The following MGST1 variants were observed in gnomAD, a reference collection of about 807,000 sequenced individuals.
MGST1 encodes glutathione S-transferase 12.
A neutral mutation model predicts 8.9 loss-of-function variants in MGST1; 5 were observed. That is an observed-to-expected ratio of 0.56 (90% CI 0.29 to 1.19). The LOEUF (loss-of-function observed/expected upper bound fraction) is 1.19, where lower values mean the gene tolerates loss of function less well. Among genes scored for constraint, MGST1 ranks in the 50% most tolerant of loss-of-function variants. The pLI, the probability that MGST1 is intolerant of heterozygous loss-of-function variation, is 0.08. For synonymous variants in MGST1, 54 were observed against 67.8 expected (o/e 0.80, Z 1.00); for missense variants, 182 against 187.4 (o/e 0.97, Z 0.17).
intron 4 of MGST1, among the ~76,000 whole-genome samples, chr12:16,545,642 A>C (rs1191664410): frequency 6.6e-6 from 1 of 152,044 alleles, no homozygotes. Flanking sequence ...CCTCACGTCG[A>C]TGCTGACCAC....
chr12:16,426,274 C>T (rs1042458537), intron 1 of MGST1, among the ~76,000 whole-genome samples: 1 of 152,166 alleles, frequency 6.6e-6, no homozygotes, highest in African/African-American at 2.4e-5. Flanking sequence ...ACTATACTTC[C>T]CTGCATCTGT....
downstream of MGST1, among the ~76,000 whole-genome samples, chr12:16,369,107 T>C (rs183878383): frequency 3.5e-3 from 540 of 152,194 alleles, 2 homozygotes; most frequent in African/African-American, 0.012. The surrounding 1 kb of genome is among the most constrained non-coding windows in gnomAD (Gnocchi z 4.8). Context: ...AAGAGAATAG[T>C]GAAGGACTGA....
Position 16,364,095 on chromosome 12 carries a change from A to G in MGST1, c.*54A>G. On this transcript the variant is annotated 3_prime_UTR_variant, in exon 4 of 4. Coordinates refer to ENST00000396210, the MANE Select transcript of MGST1 (RefSeq NM_020300.5). This position sits in a 1 kb window ranked among gnomAD's most constrained non-coding sequence, Gnocchi z 5.7. ...GGCTTTTTAAGAATTCTGTACTTCC[A>G]ATTTATAATGAATACTTTCTTAGAT... 3.3e-6 allele frequency: 5 copies of G among 1,526,784 alleles called. No homozygotes were observed. The South Asian group carries it at 6.6e-5, about 20-fold the overall frequency. The allele number at this position is 1,526,784 out of a possible 1,614,324, so 94.6% of individuals were successfully genotyped here. A position where few individuals can be genotyped will look rare whatever the true frequency, so the allele number is the denominator to read the frequency against.
At chr12:16,456,010 A>G (rs1183085032) in intron 4 of MGST1, among the ~76,000 whole-genome samples, 1 of 151,892 alleles carries the variant, frequency 6.6e-6, no homozygotes, top group Non-Finnish European at 1.5e-5. Flanking sequence ...ATGCTAAAAT[A>G]TATATGCAAT....
At chr12:16,543,220 C>G (rs1478852531) in intron 4 of MGST1, among the ~76,000 whole-genome samples, 1 of 152,078 alleles carries the variant, frequency 6.6e-6, no homozygotes, top group Non-Finnish European at 1.5e-5. Context: ...CTGAGTTCAT[C>G]TTGCTAAATA....
At chr12:16,545,456 A>T (rs184158215) in intron 4 of MGST1, among the ~76,000 whole-genome samples, 4 of 151,924 alleles carry the variant, frequency 2.6e-5, no homozygotes, top group Non-Finnish European at 5.9e-5. Context: ...AATTTTTTTC[A>T]TCTCATCTTC....
Position 16,548,268 on chromosome 12 carries a change from G to C in MGST1, n.483-41260G>C, listed in dbSNP as rs1327343410. 3.9e-5 allele frequency: 6 copies of C among 152,044 alleles called. No homozygotes were observed. Among genetic ancestry groups the C allele is most frequent in the Non-Finnish European group, 7.4e-5 (5 of 67,990 alleles). The allele number at this position is 152,044 out of a possible 1,614,324, so 9.4% of individuals were successfully genotyped here. On this transcript the variant is annotated intron_variant and non_coding_transcript_variant, in intron 4 of 4. Coordinates refer to the MGST1 transcript ENST00000538857. The surrounding 1 kb of genome is among the most constrained non-coding windows in gnomAD (Gnocchi z 4.2). Reference sequence around the variant, plus strand: ...CTTTGTCTATGCTTGTTATGACTTAGCTTTAGAAAGTAAATGTCCTTACAC... The same window carrying C: ...CTTTGTCTATGCTTGTTATGACTTACCTTTAGAAAGTAAATGTCCTTACAC...
At chr12:16,430,521 A>G (rs1940928756) in intron 1 of MGST1, among the ~76,000 whole-genome samples, 1 of 152,214 alleles carries the variant, frequency 6.6e-6, no homozygotes, top group Non-Finnish European at 1.5e-5. Flanking sequence ...ATATTGTGTT[A>G]GCAGGCATGA....
At chr12:16,394,518 CTTTCTTT>C (rs1940585180) in intron 1 of MGST1, among the ~76,000 whole-genome samples, 1 of 77,678 alleles carries the variant, frequency 1.3e-5, no homozygotes, top group African/African-American at 5.1e-5. Flanking sequence ...CTCTCCCTTT[CTTTCTTT>C]CTTTCTTTCT....
At chr12:16,438,685 T>C (rs1046812791) in exon 2 of MGST1, 2 of 151,938 alleles carry the variant, frequency 1.3e-5, no homozygotes, top group Admixed American at 1.3e-4. Flanking sequence ...TTCTTTATGT[T>C]GATTTCTTCC....
chr12:16,411,879 G>C (rs1018640555), intron 1 of MGST1, among the ~76,000 whole-genome samples: 8 of 152,006 alleles, frequency 5.3e-5, no homozygotes, highest in Non-Finnish European at 1.2e-4. Flanking sequence ...TCAGTTCTAT[G>C]GTCATTACAG....
chr12:16,489,195 T>G (rs1941420928), intron 4 of MGST1, among the ~76,000 whole-genome samples: 1 of 152,186 alleles, frequency 6.6e-6, no homozygotes, highest in Non-Finnish European at 1.5e-5. Context: ...TAATGAATGA[T>G]GAGGAAACAA....
chr12:16,382,215 T>C (rs1940463309), upstream of MGST1, among the ~76,000 whole-genome samples: 1 of 152,234 alleles, frequency 6.6e-6, no homozygotes, highest in Non-Finnish European at 1.5e-5. Flanking sequence ...AGAGGCGCTC[T>C]GATTTTTAGA....
chr12:16,556,057 T>C (rs1942177623), intron 4 of MGST1, among the ~76,000 whole-genome samples: 1 of 152,148 alleles, frequency 6.6e-6, no homozygotes, highest in Non-Finnish European at 1.5e-5. Context: ...ATAAACCAGA[T>C]TTTATCCACC....
Position 16,363,768 on chromosome 12 carries a change from G to A in MGST1, c.222-27G>A, listed in dbSNP as rs375728178. 2.6e-5 allele frequency: 39 copies of A among 1,528,122 alleles called. No individual in the cohort carries two copies. Among genetic ancestry groups the A allele is most frequent in the Non-Finnish European group, 3.5e-5 (39 of 1,126,560 alleles). The allele number at this position is 1,528,122 out of a possible 1,614,324, so 94.7% of individuals were successfully genotyped here. On this transcript the variant is annotated intron_variant, in intron 3 of 3. Transcript: ENST00000396210. The surrounding 1 kb of genome is among the most constrained non-coding windows in gnomAD (Gnocchi z 4.6). ...ACATATCTAGTATTTTGAAATTAGTGTCTTTAATAGTTATCTTTTTCCACA... is the reference window on the plus strand; with the variant it reads ...ACATATCTAGTATTTTGAAATTAGTATCTTTAATAGTTATCTTTTTCCACA...
intron 1 of MGST1, among the ~76,000 whole-genome samples, chr12:16,386,537 C>T (rs559249891): frequency 6.6e-6 from 1 of 152,160 alleles, no homozygotes; most frequent in South Asian, 2.1e-4. Flanking sequence ...AATACTGAGA[C>T]CGAAGCTTCT....
chr12:16,458,108 G>T lies in MGST1; in HGVS notation n.482+74504G>T, dbSNP rs1941190610. Among the ~76,000 whole-genome samples the T allele has an allele frequency of 6.6e-6, 1 of 151,904 alleles. No homozygotes were observed. Among genetic ancestry groups the T allele is most frequent in the African/African-American group, 2.4e-5 (1 of 41,362 alleles). Reference sequence around the variant, plus strand: ...TTATTCATACAGAATACCCATTAAAGAAGTGCAAAAGCGTGAACCCGAGGG... The same window carrying T: ...TTATTCATACAGAATACCCATTAAATAAGTGCAAAAGCGTGAACCCGAGGG... On this transcript the variant is annotated intron_variant and non_coding_transcript_variant, in intron 4 of 4. Coordinates refer to the MGST1 transcript ENST00000538857. The surrounding 1 kb of genome is among the most constrained non-coding windows in gnomAD (Gnocchi z 4.0).
chr12:16,458,705 TATC>T lies in MGST1; in HGVS notation n.482+75107_482+75109del, dbSNP rs1244269031. Among the ~76,000 whole-genome samples, 6 of 152,080 alleles carry T rather than the reference TATC, an allele frequency of 3.9e-5. No individual in the cohort carries two copies. Among genetic ancestry groups the T allele is most frequent in the Admixed American group, 1.3e-4 (2 of 15,244 alleles). ...TTTATATGAGAGTTATTGTGACTCA[TATC>T]ATCATTTTACTGTAAACAGAGGTTT... On this transcript the variant is annotated intron_variant and non_coding_transcript_variant, in intron 4 of 4. Coordinates refer to the MGST1 transcript ENST00000538857. This position sits in a 1 kb window ranked among gnomAD's most constrained non-coding sequence, Gnocchi z 4.0.
downstream of MGST1, among the ~76,000 whole-genome samples, chr12:16,367,696 C>A (rs1045228035): frequency 6.6e-6 from 1 of 152,160 alleles, no homozygotes; most frequent in African/African-American, 2.4e-5. Flanking sequence ...CTAAGACAAT[C>A]TGACACATCC....
Sources: gnomAD v4.1 joint callset for allele counts (sites outside exome capture counted in the v4.1 genomes callset) on GRCh38, gnomAD v4.1.1 for gene constraint, Gnocchi (gnomAD v3.1) non-coding constraint, MANE v1.5 for transcripts, NCBI Gene and HGNC (gene_info 2026-07-23, HGNC 2026-07-21) for gene names.